COA8: variants seen among roughly 807,000 people sequenced by gnomAD.
COA8 encodes the protein UPF0671 protein C14orf153.
In COA8, 20 loss-of-function variants were observed where a neutral mutation model predicts 22.0. The observed-to-expected ratio is 0.91, with a 90% CI of 0.64 to 1.32. COA8 has a LOEUF of 1.32. COA8 is among the 40% of genes most tolerant of loss of function. COA8 has a pLI of 0.00. For synonymous variants in COA8, 105 were observed against 79.9 expected (o/e 1.31, Z -1.68); for missense variants, 266 against 230.0 (o/e 1.16, Z -1.01).
chr14:103,577,839 A>G (rs1157660402), intron 3 of COA8, among the ~76,000 whole-genome samples: 1 of 152,102 alleles, frequency 6.6e-6, no homozygotes, highest in Non-Finnish European at 1.5e-5. Flanking sequence ...AGCCTGACCA[A>G]CATGAAGAAA....
intron 3 of COA8, among the ~76,000 whole-genome samples, chr14:103,583,506 C>A (rs1196139326): frequency 7.2e-6 from 1 of 139,262 alleles, no homozygotes; most frequent in East Asian, 2.2e-4. Context: ...TGTGCCATTG[C>A]ACTCCAGCCT....
chr14:103,576,016 T>C (rs1319302163), intron 3 of COA8, among the ~76,000 whole-genome samples: 1 of 151,612 alleles, frequency 6.6e-6, no homozygotes, highest in Non-Finnish European at 1.5e-5. Flanking sequence ...AAGTTAATTA[T>C]TAAAAGTCAG....
At chr14:103,587,508 C>A in intron 4 of COA8, 144 bp downstream of exon 4, 3 of 308,140 alleles carry the variant, frequency 9.7e-6, no homozygotes, top group Non-Finnish European at 1.8e-5. Flanking sequence ...TTCTTTTTTT[C>A]TTTTTTTTTT....
In COA8 at chr14:103,563,013, G is replaced by C. The variant is rs2087916352; in HGVS notation, c.12G>C (p.Leu4Phe). Residue 4 changes from leucine (L) to phenylalanine (F), a missense_variant, in exon 1 of 5, where the codon TTG becomes TTC. Physicochemically the swap from Leu to Phe is conservative, Grantham distance 22. Transcript: ENST00000409074. MVV[L>F]RAGKKTFLPP... The stretch of plus-strand genomic sequence containing the variant: ...GGGGGCGTGGGGCCATGGTGGTCTT[G>C]CGGGCGGGGAAGAAGACCTTTCTCC... The C allele has an allele frequency of 1.9e-6, 3 of 1,558,080 alleles. No individual in the cohort carries two copies. The highest frequency in any genetic ancestry group is 1.2e-5 in the South Asian group (1 of 86,412).
chr14:103,582,172 C>G (rs2076272535), intron 3 of COA8, among the ~76,000 whole-genome samples: 1 of 152,124 alleles, frequency 6.6e-6, no homozygotes, highest in Non-Finnish European at 1.5e-5. Flanking sequence ...TACAAGAGAC[C>G]TCACTTCCTG....
intron 1 of COA8, among the ~76,000 whole-genome samples, chr14:103,564,939 A>C (rs549544560): frequency 6.6e-6 from 1 of 150,914 alleles, no homozygotes; most frequent in Non-Finnish European, 1.5e-5. Flanking sequence ...AAGATGAGAG[A>C]CCTCTCTGCC....
At position 103,590,816 on chromosome 14, in the gene COA8, C is replaced by T. The variant is rs922519732; in HGVS notation, c.*530C>T. 3.3e-5 allele frequency: 5 copies of T among 152,224 alleles called. No homozygotes were observed. Among genetic ancestry groups the T allele is most frequent in the African/African-American group, 1.2e-4 (5 of 41,424 alleles). 9.4% of individuals were successfully genotyped at this position (152,224 alleles called of 1,614,324 possible). ...GAGGTTGCAGTGATCCAAGATCGCA[C>T]CACTGCACTCCAGCCTGGAAGACCA... is the stretch of plus-strand genomic sequence containing the variant. On this transcript the variant is annotated 3_prime_UTR_variant, in exon 5 of 5. Transcript: ENST00000409074.
intron 3 of COA8, among the ~76,000 whole-genome samples, chr14:103,576,448 G>A (rs979936738): frequency 2.6e-5 from 4 of 152,226 alleles, no homozygotes; most frequent in Non-Finnish European, 5.9e-5. Context: ...GGTGAAGACA[G>A]AGATATTCAA....
In COA8 at chr14:103,574,103, T is replaced by TA. The variant is rs770550856; in HGVS notation, c.322-2dup. ...CTTTTTTTTTTTTTTTTTTTTTTTTTAAGGAAAAAGAAGAATTTATTCACT... is the reference window on the plus strand; with the variant it reads ...CTTTTTTTTTTTTTTTTTTTTTTTTTAAAGGAAAAAGAAGAATTTATTCACT... On this transcript the variant is annotated splice_region_variant and splice_polypyrimidine_tract_variant and intron_variant, in intron 2 of 4. Transcript: ENST00000409074. 6.7e-7 allele frequency: 1 copy of TA among 1,484,220 alleles called. No homozygotes were observed. Among genetic ancestry groups the TA allele is most frequent in the Non-Finnish European group, 9.0e-7 (1 of 1,115,542 alleles). 91.9% of individuals were successfully genotyped at this position (1,484,220 alleles called of 1,614,324 possible).
intron 1 of COA8, among the ~76,000 whole-genome samples, chr14:103,570,005 G>A (rs550209988): frequency 1.6e-4 from 25 of 152,040 alleles, no homozygotes; most frequent in Non-Finnish European, 3.1e-4. Context: ...TACAGGTGCC[G>A]GCCACCACGC....
At chr14:103,572,608 T>G (rs540038028) in intron 2 of COA8, among the ~76,000 whole-genome samples, 264 of 152,076 alleles carry the variant, frequency 1.7e-3, no homozygotes, top group Middle Eastern at 6.8e-3. Flanking sequence ...CATATGCCTG[T>G]GATCCCCATG....
At chr14:103,572,620 C>T (rs1438457077) in intron 2 of COA8, among the ~76,000 whole-genome samples, 1 of 151,882 alleles carries the variant, frequency 6.6e-6, no homozygotes, top group Non-Finnish European at 1.5e-5. Context: ...ATCCCCATGA[C>T]TTGGGAGGCT....
chr14:103,588,097 G>A, intron 4 of COA8: 1 of 216,902 alleles, frequency 4.6e-6, no homozygotes, highest in Non-Finnish European at 8.4e-6. Context: ...GTCTGGGCAA[G>A]GAGAACAAAA....
At chr14:103,577,534 T>G (rs1356157803) in intron 3 of COA8, among the ~76,000 whole-genome samples, 3 of 151,988 alleles carry the variant, frequency 2.0e-5, no homozygotes, top group African/African-American at 7.3e-5. Context: ...CTACACATAT[T>G]TACATATACC....
Position 103,590,873 on chromosome 14 carries a change from T to G in COA8, c.*587T>G, listed in dbSNP as rs2076347842. ...ACTCTGTATCAAAAAATAATAATAA[T>G]TAATAAAGTTTTACTGGAAAAAAGA... On this transcript the variant is annotated 3_prime_UTR_variant, in exon 5 of 5. Coordinates refer to ENST00000409074, the MANE Select transcript of COA8 (RefSeq NM_001370595.2). The G allele has an allele frequency of 6.6e-6, 1 of 151,964 alleles. No homozygotes were observed. The highest frequency in any genetic ancestry group is 2.1e-4 in the South Asian group (1 of 4,816). 9.4% of individuals were successfully genotyped at this position (151,964 alleles called of 1,614,324 possible). A position where few individuals can be genotyped will look rare whatever the true frequency, so the allele number is the denominator to read the frequency against.
intron 3 of COA8, 136 bp downstream of exon 3, chr14:103,574,306 C>A: frequency 1.7e-6 from 2 of 1,163,068 alleles, no homozygotes; most frequent in Non-Finnish European, 2.6e-6. Context: ...GTGCTCGGCA[C>A]ACCCCTGTCC....
chr14:103,572,301 T>C (rs1389449955), intron 2 of COA8, among the ~76,000 whole-genome samples: 1 of 152,202 alleles, frequency 6.6e-6, no homozygotes, highest in Non-Finnish European at 1.5e-5. Flanking sequence ...AAAACTAATA[T>C]GTAACTGTAT....
At position 103,574,808 on chromosome 14, in the gene COA8, TG is replaced by T; in HGVS notation, c.385+642del. 3 of 267,722 alleles carry T rather than the reference TG, an allele frequency of 1.1e-5. No homozygotes were observed. The South Asian group carries it at 1.2e-4, about 11-fold the overall frequency. The allele number at this position is 267,722 out of a possible 1,614,324, so 16.6% of individuals were successfully genotyped here. On this transcript the variant is annotated intron_variant, in intron 3 of 4. Transcript: ENST00000409074. ...CGGGCCCTGGAGAGGTGGGGTCTTG[TG>T]GGGCAGAGCTGGAGCAGATGCTGCA...
chr14:103,585,685 C>T (rs1173110398), intron 3 of COA8, among the ~76,000 whole-genome samples: 3 of 147,098 alleles, frequency 2.0e-5, no homozygotes, highest in Non-Finnish European at 4.5e-5. Flanking sequence ...AAGCAATTCT[C>T]CTGCCTCAGC....
Sources: allele counts gnomAD v4.1 joint callset (sites outside exome capture counted in the v4.1 genomes callset), GRCh38; gene constraint gnomAD v4.1.1; transcripts MANE v1.5; gene names NCBI Gene and HGNC (gene_info 2026-07-23, HGNC 2026-07-21).